Variants in KMT2C observed in about 807,000 individuals in gnomAD.
KMT2C encodes histone-lysine N-methyltransferase 2C.
A neutral mutation model predicts 507.9 loss-of-function variants in KMT2C; 88 were observed. The ratio of observed to expected loss-of-function variants is 0.17; its 90% CI spans 0.15 to 0.21. The LOEUF (loss-of-function observed/expected upper bound fraction) is 0.21. KMT2C is among the 10% of genes least tolerant of loss of function. The pLI is 1.00. For missense variants in KMT2C, 4,954 were observed against 5,957.8 expected (o/e 0.83, Z 5.55); for synonymous variants, 2,049 against 2,080.8 (o/e 0.98, Z 0.42).
At position 152,245,538 on chromosome 7, in the gene KMT2C, G is replaced by A. The variant is rs1191184185; in HGVS notation, c.2532+2364C>T. Among the ~76,000 whole-genome samples, 3 of 151,814 alleles carry A rather than the reference G, an allele frequency of 2.0e-5. No individual in the cohort carries two copies. In the East Asian group the frequency reaches 5.8e-4, roughly 29 times the overall value. Reference sequence around the variant, plus strand: ...CTTGAAAATTTAAAATTACACATATGGTCTGCATTATATTTATATTAGACA... The same window carrying A: ...CTTGAAAATTTAAAATTACACATATAGTCTGCATTATATTTATATTAGACA... On this transcript the variant is annotated intron_variant, in intron 14 of 58. Transcript: ENST00000262189.
intron 38 of KMT2C, among the ~76,000 whole-genome samples, chr7:152,175,476 A>AC (rs71198764): frequency 0.16 from 20,873 of 131,212 alleles, 3,677 homozygotes; most frequent in African/African-American, 0.46. Context: ...CTAGCCCCCC[A>AC]CCCCCGACAG....
rs1424527590 is a variant in KMT2C at position 152,144,248 on chromosome 7, T to G, written c.14343+465A>C. On this transcript the variant is annotated intron_variant, in intron 55 of 58. Transcript: ENST00000262189. The surrounding 1 kb of genome is among the most constrained non-coding windows in gnomAD (Gnocchi z 4.4). ...TAGGTGTAAACTTAAATGCTTAGCC[T>G]ATACACGGCCTTACTTGTAAGATAG... Among the ~76,000 whole-genome samples the G allele has an allele frequency of 6.6e-6, 1 of 152,232 alleles. No individual in the cohort carries two copies.
chr7:152,290,127 A>G (rs2096384899), intron 6 of KMT2C, among the ~76,000 whole-genome samples: 1 of 151,422 alleles, frequency 6.6e-6, no homozygotes, highest in Non-Finnish European at 1.5e-5. Context: ...GTGAACCAAT[A>G]TTTTCCAAAG....
rs2129120298 is a variant in KMT2C, at chr7:152,181,762, G to C, written c.6098C>G (p.Pro2033Arg). Residue 2033 changes from proline to arginine, a missense_variant, in exon 36 of 59, where the codon CCT becomes CGT. Physicochemically the swap from Pro to Arg is moderately radical, Grantham distance 103. Coordinates refer to ENST00000262189, the MANE Select transcript of KMT2C (RefSeq NM_170606.3). ...TCCAGGACCACTATCAAGAGGTGCA[G>C]GTGTCAACAAGGGTCGTGCATATGA... Reference protein sequence around the residue: ...PDSYARPLLTPAPLDSGPGPF... With the variant: ...PDSYARPLLTRAPLDSGPGPF... 1.2e-6 allele frequency: 2 copies of C among 1,614,136 alleles called. No individual in the cohort carries two copies.
intron 1 of KMT2C, among the ~76,000 whole-genome samples, chr7:152,388,717 G>A (rs2097458035): frequency 6.6e-6 from 1 of 152,192 alleles, no homozygotes; most frequent in Non-Finnish European, 1.5e-5. Context: ...TCTTATTTTA[G>A]GCTCAAATTT....
intron 1 of KMT2C, among the ~76,000 whole-genome samples, chr7:152,364,936 C>CAGACAG (rs200502631): frequency 8.6e-5 from 11 of 128,582 alleles, no homozygotes; most frequent in African/African-American, 2.8e-4. Context: ...AACAGACAGA[C>CAGACAG]ACACACACAC....
At chr7:152,229,830 A>C in intron 18 of KMT2C, 93 bp downstream of exon 18, 1 of 712,702 alleles carries the variant, frequency 1.4e-6, no homozygotes, top group Non-Finnish European at 2.4e-6. Context: ...TAATAATCAT[A>C]ATACTTAATT....
chr7:152,194,344 A>T (rs2129129342), intron 29 of KMT2C, 83 bp from the exon 30 acceptor site: 1 of 1,393,396 alleles, frequency 7.2e-7, no homozygotes, highest in Non-Finnish European at 9.9e-7. Flanking sequence ...AACTGACAGA[A>T]ATAATTAGAA....
chr7:152,215,339 C>G (rs1246375115), intron 23 of KMT2C, among the ~76,000 whole-genome samples: 2 of 151,484 alleles, frequency 1.3e-5, no homozygotes, highest in East Asian at 3.9e-4. Flanking sequence ...TGGTGAAACC[C>G]CGCCTCTACT....
In KMT2C at chr7:152,139,741, A is replaced by C; in HGVS notation, c.14394T>G (p.Ile4798Met). The change falls in exon 56 of 59, where the codon ATT becomes ATG. Residue 4798 changes from isoleucine (I) to methionine (M), a missense_variant. Coordinates refer to ENST00000262189, the MANE Select transcript of KMT2C (RefSeq NM_170606.3). ...TTCGAATGATAGTCCCGATGTACTC[A>C]ATGACCATGGTGTGTTTCTCAATGT... is the stretch of plus-strand genomic sequence containing the variant. ...ARDIEKHTMV[I>M]EYIGTIIRNE... 6.2e-7 allele frequency: 1 copy of C among 1,614,086 alleles called. No individual in the cohort carries two copies.
chr7:152,193,879 G>T, intron 31 of KMT2C, 130 bp downstream of exon 31: 1 of 697,452 alleles, frequency 1.4e-6, no homozygotes, highest in Non-Finnish European at 2.2e-6. Flanking sequence ...TTACAAAAGG[G>T]TTTTTCTCCC....
intron 1 of KMT2C, among the ~76,000 whole-genome samples, chr7:152,434,878 C>G (rs1444500530): frequency 6.6e-6 from 1 of 152,116 alleles, no homozygotes; most frequent in African/African-American, 2.4e-5. Context: ...GCACTCTCTC[C>G]GAATAAGTGC....
intron 6 of KMT2C, 37 bp from the exon 7 acceptor site, chr7:152,273,904 C>T (rs1432350840): frequency 6.3e-7 from 1 of 1,596,684 alleles, no homozygotes; most frequent in African/African-American, 1.3e-5. Flanking sequence ...CTTTATAAAA[C>T]CTTGAAAAGG....
intron 29 of KMT2C, 75 bp from the exon 30 acceptor site, chr7:152,194,336 C>A (rs2093900712): frequency 7.3e-7 from 1 of 1,370,864 alleles, no homozygotes; most frequent in African/African-American, 1.5e-5. Flanking sequence ...TAGTATTTAA[C>A]TGACAGAAAT....
chr7:152,142,371 G>A (rs186731826), intron 55 of KMT2C, among the ~76,000 whole-genome samples: 3 of 152,324 alleles, frequency 2.0e-5, no homozygotes, highest in African/African-American at 7.2e-5. Context: ...CCAAATGGCG[G>A]ACATGAAAAG....
intron 43 of KMT2C, among the ~76,000 whole-genome samples, chr7:152,159,877 T>C (rs921389146): frequency 1.3e-5 from 2 of 152,238 alleles, no homozygotes; most frequent in East Asian, 1.9e-4. Context: ...GAATTCTGCA[T>C]TGAATCTCTG....
At position 152,369,617 on chromosome 7, in the gene KMT2C, T is replaced by A. The variant is rs1460187761; in HGVS notation, c.162-10942A>T. On this transcript the variant is annotated intron_variant, in intron 1 of 58. Transcript: ENST00000262189. ...GGATTAATGTCGTTCTGAAAGGAGT[T>A]CTCACTCTTGGAGAAGTGAACCCAC... Among the ~76,000 whole-genome samples the A allele has an allele frequency of 3.9e-5, 6 of 152,138 alleles. No homozygotes were observed. In the East Asian group the frequency reaches 1.2e-3, roughly 29 times the overall value.
intron 9 of KMT2C, among the ~76,000 whole-genome samples, chr7:152,257,225 T>C (rs935234878): frequency 6.6e-5 from 10 of 152,152 alleles, no homozygotes; most frequent in African/African-American, 2.4e-4. Context: ...TGGAAGTGAT[T>C]TCCAGATTTT....
At chr7:152,394,350 G>A (rs1290574308) in intron 1 of KMT2C, among the ~76,000 whole-genome samples, 2 of 152,332 alleles carry the variant, frequency 1.3e-5, no homozygotes, top group African/African-American at 2.4e-5. Flanking sequence ...GACTCCCCAC[G>A]CTACTTCTCT....
Sources: allele counts gnomAD v4.1 joint callset (sites outside exome capture counted in the v4.1 genomes callset), GRCh38; gene constraint gnomAD v4.1.1; non-coding constraint Gnocchi (gnomAD v3.1); transcripts MANE v1.5; gene names NCBI Gene and HGNC (gene_info 2026-07-23, HGNC 2026-07-21).